The following SLC35F1 variants were observed in gnomAD, a reference collection of about 807,000 sequenced individuals.
SLC35F1 encodes chromosome 6 open reading frame 169.
SLC35F1 carries 14 observed loss-of-function variants against 48.7 expected under a neutral mutation model. The observed-to-expected ratio is 0.29, with a 90% CI of 0.19 to 0.45. The LOEUF is 0.45. SLC35F1 is among the 20% of genes least tolerant of loss of function. The probability of loss-of-function intolerance (pLI) is 1.00; values close to 1 mark genes in which losing one functional copy is unlikely to be tolerated. For missense variants in SLC35F1, 404 were observed against 500.0 expected (o/e 0.81, Z 1.83); for synonymous variants, 190 against 202.2 (o/e 0.94, Z 0.51).
Position 117,966,137 on chromosome 6 carries a change from C to CA in SLC35F1, c.173+58238_173+58239insA, listed in dbSNP as rs935773480. On this transcript the variant is annotated intron_variant, in intron 1 of 7. Transcript: ENST00000360388. ...GGAATAAAAGCAGGCCACCGCCCCC[C>CA]CCCCCACTCCCGCCCCGCCCCAAGC... Among the ~76,000 whole-genome samples, 9 of 141,794 alleles carry CA rather than the reference C, an allele frequency of 6.3e-5. 1 individual carries two copies. The highest frequency in any genetic ancestry group is 1.1e-4 in the Non-Finnish European group (7 of 63,870). The allele number at this position is 141,794 out of a possible 152,430, so 93.0% of individuals were successfully genotyped here. A position where few individuals can be genotyped will look rare whatever the true frequency, so the allele number is the denominator to read the frequency against.
intron 1 of SLC35F1, among the ~76,000 whole-genome samples, chr6:118,085,271 C>A (rs932388491): frequency 1.3e-5 from 2 of 152,094 alleles, no homozygotes; most frequent in Admixed American, 6.5e-5. Context: ...GTGTGGTCCA[C>A]TTTCAGGGCT....
chr6:118,035,366 A>C (rs1772110645), intron 1 of SLC35F1, among the ~76,000 whole-genome samples: 1 of 151,856 alleles, frequency 6.6e-6, no homozygotes, highest in African/African-American at 2.4e-5. Context: ...CAGCACTTTG[A>C]GATGCCAAGG....
At chr6:118,221,511 T>C (rs1025233823) in intron 2 of SLC35F1, among the ~76,000 whole-genome samples, 2 of 152,226 alleles carry the variant, frequency 1.3e-5, no homozygotes, top group East Asian at 1.9e-4. Context: ...ATACTACCTA[T>C]AACTCAAGGA....
intron 1 of SLC35F1, among the ~76,000 whole-genome samples, chr6:118,017,624 A>T (rs2114881612): frequency 6.6e-6 from 1 of 152,282 alleles, no homozygotes; most frequent in Admixed American, 6.5e-5. Flanking sequence ...CATCTGTGGT[A>T]GATCTTTTGT....
At chr6:117,935,109 A>T (rs938509897) in intron 1 of SLC35F1, among the ~76,000 whole-genome samples, 1 of 152,130 alleles carries the variant, frequency 6.6e-6, no homozygotes, top group African/African-American at 2.4e-5. Context: ...CTCCATCTCA[A>T]TAAATAAATA....
chr6:118,040,363 A>T (rs1357599449), intron 1 of SLC35F1, among the ~76,000 whole-genome samples: 3 of 152,136 alleles, frequency 2.0e-5, no homozygotes, highest in Non-Finnish European at 4.4e-5. Flanking sequence ...CCTAGTCGTT[A>T]GGTAGTGTTG....
intron 1 of SLC35F1, among the ~76,000 whole-genome samples, chr6:118,135,040 A>G (rs1198273706): frequency 3.3e-5 from 5 of 152,200 alleles, no homozygotes; most frequent in African/African-American, 9.6e-5. Context: ...ATTCAAGAAC[A>G]AGGACGTCAC....
chr6:118,096,724 C>G (rs1402071860), intron 1 of SLC35F1, among the ~76,000 whole-genome samples: 1 of 152,130 alleles, frequency 6.6e-6, no homozygotes, highest in African/African-American at 2.4e-5. Flanking sequence ...CCTTTTGGAC[C>G]ATTTATTCAT....
intron 2 of SLC35F1, among the ~76,000 whole-genome samples, chr6:118,215,436 A>T: frequency 6.6e-6 from 1 of 152,186 alleles, no homozygotes; most frequent in Non-Finnish European, 1.5e-5. Context: ...GCCTGCATAG[A>T]TAAGACGGTC....
intron 1 of SLC35F1, among the ~76,000 whole-genome samples, chr6:118,132,059 A>C (rs1392863815): frequency 1.3e-5 from 2 of 152,156 alleles, no homozygotes; most frequent in Non-Finnish European, 2.9e-5. Context: ...CAGATTTAGT[A>C]AATAATCCAA....
intron 7 of SLC35F1, among the ~76,000 whole-genome samples, chr6:118,304,368 T>TAAA (rs746442246): frequency 0.014 from 1,642 of 117,382 alleles, 11 homozygotes; most frequent in African/African-American, 0.017. Context: ...CTTCATCTCT[T>TAAA]AAAAAAAAAA....
At chr6:118,095,715 CAG>C (rs1443813660) in intron 1 of SLC35F1, among the ~76,000 whole-genome samples, 1 of 151,994 alleles carries the variant, frequency 6.6e-6, no homozygotes, top group East Asian at 1.9e-4. Context: ...ATAGGGCACT[CAG>C]GGGCTCAAAC....
intron 3 of SLC35F1, among the ~76,000 whole-genome samples, chr6:118,259,054 A>G (rs1000343102): frequency 6.6e-6 from 1 of 151,744 alleles, no homozygotes; most frequent in African/African-American, 2.4e-5. Flanking sequence ...AAAATTTTCA[A>G]CAAATACGAT....
chr6:118,057,942 G>A (rs1772486012), intron 1 of SLC35F1, among the ~76,000 whole-genome samples: 1 of 152,128 alleles, frequency 6.6e-6, no homozygotes, highest in East Asian at 1.9e-4. Context: ...GATGTTTGGG[G>A]AGGGTGAGGG....
At chr6:118,201,898 C>T (rs1774877776) in intron 2 of SLC35F1, among the ~76,000 whole-genome samples, 1 of 152,150 alleles carries the variant, frequency 6.6e-6, no homozygotes, top group African/African-American at 2.4e-5. Context: ...CTTTACTTAG[C>T]ACAATATTTT....
At chr6:118,313,309 T>C (rs980333326) in intron 7 of SLC35F1, among the ~76,000 whole-genome samples, 1 of 152,180 alleles carries the variant, frequency 6.6e-6, no homozygotes, top group Non-Finnish European at 1.5e-5. Flanking sequence ...CAAAAACATA[T>C]GTAAATTCTT....
chr6:118,112,078 ATTTCTTTCTTTTCTTTTCT>A (rs1219348976), intron 1 of SLC35F1, among the ~76,000 whole-genome samples: 2 of 132,416 alleles, frequency 1.5e-5, no homozygotes, highest in Admixed American at 1.4e-4. Flanking sequence ...CTTTTTCTTT[ATTTCTTTCTTTTCTTTTCT>A]TTTCTTTTCT....
At chr6:118,258,149 T>C (rs951873931) in intron 3 of SLC35F1, among the ~76,000 whole-genome samples, 3 of 152,154 alleles carry the variant, frequency 2.0e-5, no homozygotes, top group African/African-American at 7.2e-5. Context: ...AAGCTACTCA[T>C]TCTTTTGAAA....
intron 2 of SLC35F1, among the ~76,000 whole-genome samples, chr6:118,217,589 A>T (rs2114558024): frequency 6.6e-6 from 1 of 152,236 alleles, no homozygotes; most frequent in South Asian, 2.1e-4. Flanking sequence ...AATGTCCCTG[A>T]ACTGTGCACT....
Sources: allele counts gnomAD v4.1 joint callset (sites outside exome capture counted in the v4.1 genomes callset), GRCh38; gene constraint gnomAD v4.1.1; transcripts MANE v1.5; gene names NCBI Gene and HGNC (gene_info 2026-07-23, HGNC 2026-07-21).